Variants in TRUB2 observed in about 807,000 individuals in gnomAD.
TRUB2 encodes pseudouridylate synthase TRUB2, mitochondrial.
Under a neutral mutation model 31.9 loss-of-function variants are expected in TRUB2, and 31 were observed. That is an observed-to-expected ratio of 0.97 (90% CI 0.73 to 1.31). The LOEUF is 1.31. Among genes scored for constraint, TRUB2 ranks in the 50% most tolerant of loss-of-function variants. The probability of loss-of-function intolerance (pLI) is 0.00; values close to 1 mark genes in which losing one functional copy is unlikely to be tolerated. For missense variants in TRUB2, 451 were observed against 439.6 expected (o/e 1.03, Z -0.23); for synonymous variants, 201 against 182.6 (o/e 1.10, Z -0.81).
chr9:128,308,826 AC>A lies in TRUB2; in HGVS notation c.*723del, dbSNP rs1347164313. On this transcript the variant is annotated 3_prime_UTR_variant, in exon 8 of 8. Transcript: ENST00000372890. Reference sequence around the variant, plus strand: ...CTTGGGAGGCTGAGGCAGGAGAATCACTTGAACCTGGGAGGCGGAGGCTGCA... The same window carrying A: ...CTTGGGAGGCTGAGGCAGGAGAATCATTGAACCTGGGAGGCGGAGGCTGCA... The A allele has an allele frequency of 6.7e-6, 1 of 148,404 alleles. No homozygotes were observed. Among genetic ancestry groups the A allele is most frequent in the African/African-American group, 2.5e-5 (1 of 40,246 alleles). The allele number at this position is 148,404 out of a possible 1,614,324, so 9.2% of individuals were successfully genotyped here.
chr9:128,322,384 G>A lies in TRUB2; in HGVS notation c.25C>T (p.Leu9=), dbSNP rs1251265428. Residue 9 remains leucine (L), a synonymous_variant, in exon 1 of 8, where the codon CTG becomes TTG. Coordinates refer to ENST00000372890, the MANE Select transcript of TRUB2 (RefSeq NM_015679.3). ...TTATAGACCGCGAAAAGCCCATGCA[G>A]CCGCGACAAGCCAGCAGACCCCATA... MGSAGLSR[L]HGLFAVYKPP... is the part of the protein sequence containing the mutation. 6 of 1,614,132 alleles carry A rather than the reference G, an allele frequency of 3.7e-6. No homozygotes were observed. Among genetic ancestry groups the A allele is most frequent in the Non-Finnish European group, 5.1e-6 (6 of 1,180,032 alleles).
rs1832060791 is a variant in TRUB2, at chr9:128,315,932, C to T, written c.317-304G>A. The T allele has an allele frequency of 7.2e-6, 3 of 416,676 alleles. No individual in the cohort carries two copies. In the South Asian group the frequency reaches 7.8e-5, roughly 11 times the overall value. The allele number at this position is 416,676 out of a possible 1,614,324, so 25.8% of individuals were successfully genotyped here. ...GAGATCCCTGGCCTAGTCACACAAA[C>T]CTGCACTCAAATCAGGGACAGCTCT... On this transcript the variant is annotated intron_variant, in intron 3 of 7. Transcript: ENST00000372890.
chr9:128,311,995 C>T (rs1831978881), intron 5 of TRUB2, among the ~76,000 whole-genome samples: 1 of 151,658 alleles, frequency 6.6e-6, no homozygotes, highest in Non-Finnish European at 1.5e-5. Flanking sequence ...ACCACCACGT[C>T]CGGCTAATTT....
At chr9:128,316,913 C>A in intron 3 of TRUB2, 1 of 506,302 alleles carries the variant, frequency 2.0e-6, no homozygotes, top group East Asian at 3.3e-5. Flanking sequence ...GCATAAAGGG[C>A]CTCGAACTAT....
At chr9:128,319,114 CAGG>C (rs2131454248) in intron 2 of TRUB2, among the ~76,000 whole-genome samples, 1 of 151,970 alleles carries the variant, frequency 6.6e-6, no homozygotes, top group South Asian at 2.1e-4. Context: ...ATCACGAGGT[CAGG>C]AGATCGAGAC....
chr9:128,321,954 T>C (rs562355890), intron 1 of TRUB2, among the ~76,000 whole-genome samples: 9 of 152,268 alleles, frequency 5.9e-5, no homozygotes, highest in African/African-American at 2.2e-4. Flanking sequence ...AGGAATATCT[T>C]GTTCTGTCCA....
Position 128,308,524 on chromosome 9 carries a change from T to A in TRUB2, c.*1026A>T, listed in dbSNP as rs1831905686. On this transcript the variant is annotated 3_prime_UTR_variant, in exon 8 of 8. Transcript: ENST00000372890. Reference sequence around the variant, plus strand: ...ACTCCAGCCTGGGCCACAAAGCAAGTCTCAAAAACAAAAACAAAAACAAAA... The same window carrying A: ...ACTCCAGCCTGGGCCACAAAGCAAGACTCAAAAACAAAAACAAAAACAAAA... The A allele has an allele frequency of 7.0e-6, 1 of 142,388 alleles. No individual in the cohort carries two copies. The highest frequency in any genetic ancestry group is 1.5e-5 in the Non-Finnish European group (1 of 64,722). The allele number at this position is 142,388 out of a possible 1,614,324, so 8.8% of individuals were successfully genotyped here. A position where few individuals can be genotyped will look rare whatever the true frequency, so the allele number is the denominator to read the frequency against.
At chr9:128,312,036 C>G (rs547857793) in intron 5 of TRUB2, among the ~76,000 whole-genome samples, 3 of 151,442 alleles carry the variant, frequency 2.0e-5, no homozygotes, top group African/African-American at 7.3e-5. Flanking sequence ...GGGGTTTCAC[C>G]GTGTTAGCCA....
rs1453280164 is a variant in TRUB2 at position 128,313,253 on chromosome 9, G to A, written c.460+555C>T. Among the ~76,000 whole-genome samples, 9 of 148,564 alleles carry A rather than the reference G, an allele frequency of 6.1e-5. No individual in the cohort carries two copies. In the South Asian group the frequency reaches 8.6e-4, roughly 14 times the overall value. On this transcript the variant is annotated intron_variant, in intron 5 of 7. Coordinates refer to ENST00000372890, the MANE Select transcript of TRUB2 (RefSeq NM_015679.3). ...AAGAAAAGAAAAGGAAAGGCTGGGC[G>A]CGGTGGCTCATGCCTGTAATCCCAG...
intron 4 of TRUB2, among the ~76,000 whole-genome samples, chr9:128,314,318 C>A (rs1832031108): frequency 6.6e-6 from 1 of 152,072 alleles, no homozygotes; most frequent in Non-Finnish European, 1.5e-5. Context: ...CCTAACTCGG[C>A]AATTTATCAC....
chr9:128,311,809 G>A (rs1243489658), intron 5 of TRUB2, among the ~76,000 whole-genome samples: 2 of 150,236 alleles, frequency 1.3e-5, no homozygotes, highest in Admixed American at 1.3e-4. Flanking sequence ...AGATACACAT[G>A]ACTCAGCAGC....
At chr9:128,317,107 T>A (rs1043129844) in intron 3 of TRUB2, 45 bp downstream of exon 3, 3 of 1,528,028 alleles carry the variant, frequency 2.0e-6, no homozygotes, top group Non-Finnish European at 2.7e-6. Flanking sequence ...CAGGATCTTT[T>A]CTCAAGCCTT....
Position 128,309,238 on chromosome 9 carries a change from T to C in TRUB2, c.*312A>G, listed in dbSNP as rs1272894024. 2.8e-6 allele frequency: 1 copy of C among 362,674 alleles called. No individual in the cohort carries two copies. Among genetic ancestry groups the C allele is most frequent in the African/African-American group, 2.0e-5 (1 of 49,120 alleles). 22.5% of individuals were successfully genotyped at this position (362,674 alleles called of 1,614,324 possible). ...TATTCACAGGCGCCGTCTAGCGCAC[T>C]ACAACCTTAAACTCCTGGGCTCAAG... On this transcript the variant is annotated 3_prime_UTR_variant, in exon 8 of 8. Coordinates refer to ENST00000372890, the MANE Select transcript of TRUB2 (RefSeq NM_015679.3).
At chr9:128,319,482 C>T (rs942635025) in intron 2 of TRUB2, among the ~76,000 whole-genome samples, 4 of 151,886 alleles carry the variant, frequency 2.6e-5, no homozygotes, top group African/African-American at 9.7e-5. Flanking sequence ...CAGAGTGAGA[C>T]CCTGTCTCTA....
rs1832208153 is a variant in TRUB2 at position 128,322,400 on chromosome 9, A to G, written c.9T>C (p.Ser3=). 2.5e-6 allele frequency: 4 copies of G among 1,614,190 alleles called. 1 individual carries two copies. The highest frequency in any genetic ancestry group is 3.4e-6 in the Non-Finnish European group (4 of 1,180,042). ...GCCCATGCAGCCGCGACAAGCCAGCAGACCCCATACTTGAAGATCACAGCA... is the reference window on the plus strand; with the variant it reads ...GCCCATGCAGCCGCGACAAGCCAGCGGACCCCATACTTGAAGATCACAGCA... MG[S]AGLSRLHGLF... is the part of the protein sequence containing the mutation. The change falls in exon 1 of 8, where the codon TCT becomes TCC. Residue 3 remains serine, a synonymous_variant. Coordinates refer to ENST00000372890, the MANE Select transcript of TRUB2 (RefSeq NM_015679.3).
Position 128,305,500 on chromosome 9 carries a change from C to A in TRUB2, c.*4050G>T, listed in dbSNP as rs1396745307. The A allele has an allele frequency of 1.3e-5, 2 of 152,414 alleles. No individual in the cohort carries two copies. The highest frequency in any genetic ancestry group is 2.4e-5 in the African/African-American group (1 of 41,436). 9.4% of individuals were successfully genotyped at this position (152,414 alleles called of 1,614,324 possible). A position where few individuals can be genotyped will look rare whatever the true frequency, so the allele number is the denominator to read the frequency against. On this transcript the variant is annotated 3_prime_UTR_variant, in exon 8 of 8. Coordinates refer to ENST00000372890, the MANE Select transcript of TRUB2 (RefSeq NM_015679.3). ...GTTCAAATGATTCTCCCACCTCAGCCCAGATCTGGAGTAGCTGTAGCTGGA... is the reference window on the plus strand; with the variant it reads ...GTTCAAATGATTCTCCCACCTCAGCACAGATCTGGAGTAGCTGTAGCTGGA...
At chr9:128,314,767 G>T (rs1441053571) in intron 4 of TRUB2, among the ~76,000 whole-genome samples, 1 of 151,858 alleles carries the variant, frequency 6.6e-6, no homozygotes, top group Non-Finnish European at 1.5e-5. Context: ...AAATAGAGAT[G>T]GAGTCTTGCT....
intron 4 of TRUB2, 114 bp from the exon 5 acceptor site, chr9:128,314,003 G>C (rs1007603540): frequency 2.3e-6 from 2 of 859,760 alleles, no homozygotes; most frequent in African/African-American, 3.4e-5. Context: ...AAGCTCATGT[G>C]CCCAGCCCCT....
intron 4 of TRUB2, 60 bp downstream of exon 4, chr9:128,315,507 C>A: frequency 6.4e-7 from 1 of 1,563,404 alleles, no homozygotes; most frequent in Non-Finnish European, 8.7e-7. Context: ...CTTCAGAATC[C>A]TGCTGGTGAC....
Sources: allele counts gnomAD v4.1 joint callset (sites outside exome capture counted in the v4.1 genomes callset), GRCh38; gene constraint gnomAD v4.1.1; transcripts MANE v1.5; gene names NCBI Gene and HGNC (gene_info 2026-07-23, HGNC 2026-07-21).